Variants in GALK2 observed in about 807,000 individuals in gnomAD.
The protein encoded by GALK2 is galactokinase 2.
A neutral mutation model predicts 52.4 loss-of-function variants in GALK2; 36 were observed. That is an observed-to-expected ratio of 0.69 (90% confidence interval 0.53 to 0.91). GALK2 has a LOEUF of 0.91. GALK2 is among the 40% of genes least tolerant of loss of function. GALK2 has a pLI of 0.00. For synonymous variants in GALK2, 176 were observed against 199.1 expected (o/e 0.88, Z 0.98); for missense variants, 579 against 559.1 (o/e 1.04, Z -0.36).
At chr15:49,303,445 G>T (rs1436177496) in intron 8 of GALK2, among the ~76,000 whole-genome samples, 1 of 152,176 alleles carries the variant, frequency 6.6e-6, no homozygotes, top group Non-Finnish European at 1.5e-5. Context: ...TGTGACTCTT[G>T]TCCCACAAGG....
rs1045074640 is a variant in GALK2, at chr15:49,329,434, T to A, written c.*1275T>A. The A allele has an allele frequency of 1.0e-6, 1 of 984,776 alleles. No individual in the cohort carries two copies. The highest frequency in any genetic ancestry group is 1.7e-5 in the African/African-American group (1 of 57,256). 61.0% of individuals were successfully genotyped at this position (984,776 alleles called of 1,614,324 possible). A position where few individuals can be genotyped will look rare whatever the true frequency, so the allele number is the denominator to read the frequency against. ...TCCAAAAAAATATCAGAATTACTTA[T>A]TATTCTGTGATTTCATTAGCTCATT... On this transcript the variant is annotated 3_prime_UTR_variant, in exon 10 of 10. Coordinates refer to ENST00000560031, the MANE Select transcript of GALK2 (RefSeq NM_002044.4).
At chr15:49,172,324 G>A (rs1484362692) in intron 1 of GALK2, among the ~76,000 whole-genome samples, 1 of 152,086 alleles carries the variant, frequency 6.6e-6, no homozygotes, top group South Asian at 2.1e-4. Flanking sequence ...TATTTATTCT[G>A]TGTTATCCAC....
At chr15:49,193,293 C>T (rs927878392) in intron 1 of GALK2, among the ~76,000 whole-genome samples, 7 of 151,830 alleles carry the variant, frequency 4.6e-5, no homozygotes, top group East Asian at 1.9e-4. Context: ...CCACCATGCC[C>T]GACCTGTTTA....
In GALK2 at chr15:49,365,256, A is replaced by G. The variant is rs1399377720; in HGVS notation, c.427-2235A>G. ...TCCTTACATTTCCAGGCAACAACTG[A>G]GGCAATAATAAGTGTGCAAGTTACT... On this transcript the variant is annotated intron_variant, in intron 3 of 3. Coordinates refer to the GALK2 transcript ENST00000558399. 1.0e-5 allele frequency: 12 copies of G among 1,189,892 alleles called. No homozygotes were observed. The Admixed American group carries it at 1.9e-4, about 18-fold the overall frequency. 73.7% of individuals were successfully genotyped at this position (1,189,892 alleles called of 1,614,324 possible).
downstream of GALK2, among the ~76,000 whole-genome samples, chr15:49,332,227 C>T (rs1181650489): frequency 1.3e-5 from 2 of 152,194 alleles, no homozygotes; most frequent in African/African-American, 4.8e-5. Flanking sequence ...GTGGCACATC[C>T]TCTTCAGTTA....
chr15:49,169,403 C>A (rs917935847), upstream of GALK2, among the ~76,000 whole-genome samples: 1 of 152,022 alleles, frequency 6.6e-6, no homozygotes, highest in African/African-American at 2.4e-5. Flanking sequence ...TCCCAATGAT[C>A]ACTGTGACCT....
At chr15:49,181,101 C>A (rs977695315) in intron 1 of GALK2, among the ~76,000 whole-genome samples, 1 of 117,932 alleles carries the variant, frequency 8.5e-6, no homozygotes. Context: ...TTCCCTCCCC[C>A]CTCCCCTCAT....
chr15:49,219,898 A>G (rs900028398), intron 3 of GALK2, among the ~76,000 whole-genome samples: 2 of 152,152 alleles, frequency 1.3e-5, no homozygotes, highest in Non-Finnish European at 2.9e-5. Context: ...AATTTTAGCT[A>G]TTCTCATAAA....
At position 49,239,375 on chromosome 15, in the gene GALK2, C is replaced by A; in HGVS notation, c.504+8C>A. Reference sequence around the variant, plus strand: ...GGAAGGAATCTATCCAAGGTAACTACCTTTGATAGGAAACCTCATAGAACC... The same window carrying A: ...GGAAGGAATCTATCCAAGGTAACTAACTTTGATAGGAAACCTCATAGAACC... On this transcript the variant is annotated splice_region_variant and intron_variant, in intron 5 of 9. Transcript: ENST00000560031. 2.5e-6 allele frequency: 4 copies of A among 1,612,670 alleles called. No homozygotes were observed. Among genetic ancestry groups the A allele is most frequent in the Non-Finnish European group, 3.4e-6 (4 of 1,179,154 alleles).
Position 49,309,811 on chromosome 15 carries a change from G to T in GALK2, c.968-9793G>T, listed in dbSNP as rs112511962. The stretch of plus-strand genomic sequence containing the variant: ...AATTTTGTATTTTTAGTAGAGACAG[G>T]TTTCTCCATGTTGGTCAGGCTGGTC... On this transcript the variant is annotated intron_variant, in intron 8 of 9. Coordinates refer to ENST00000560031, the MANE Select transcript of GALK2 (RefSeq NM_002044.4). Among the ~76,000 whole-genome samples the T allele has an allele frequency of 8.4e-3, 1,272 of 152,102 alleles. 8 individuals carry two copies. The highest frequency in any genetic ancestry group is 0.051 in the Middle Eastern group (15 of 294).
chr15:49,202,623 T>A (rs1247915162), intron 2 of GALK2, among the ~76,000 whole-genome samples: 2 of 152,172 alleles, frequency 1.3e-5, no homozygotes, highest in African/African-American at 4.8e-5. Flanking sequence ...TTTATGTTGA[T>A]TCTGTATCTT....
At chr15:49,334,618 C>T (rs560625190), downstream of GALK2, among the ~76,000 whole-genome samples, 74 of 151,772 alleles carry the variant, frequency 4.9e-4, no homozygotes, top group Non-Finnish European at 9.6e-4. Context: ...CGTACACATG[C>T]GTCTGTGGGT....
chr15:49,335,785 C>A (rs2039603901), downstream of GALK2, among the ~76,000 whole-genome samples: 1 of 152,166 alleles, frequency 6.6e-6, no homozygotes, highest in Non-Finnish European at 1.5e-5. Context: ...GTTTTAAAAG[C>A]AGCAACTTGT....
At chr15:49,258,790 A>G (rs199732330) in intron 5 of GALK2, among the ~76,000 whole-genome samples, 6,192 of 114,592 alleles carry the variant, frequency 0.054, 220 homozygotes, top group African/African-American at 0.15. Flanking sequence ...ATATATATAT[A>G]TATATGTGTG....
chr15:49,172,344 C>T (rs773841868), intron 1 of GALK2, among the ~76,000 whole-genome samples: 1 of 152,280 alleles, frequency 6.6e-6, no homozygotes. Flanking sequence ...CAGAAGAGAT[C>T]ATAGTAGATA....
Position 49,208,019 on chromosome 15 carries a change from C to T in GALK2, c.142+6769C>T, listed in dbSNP as rs372950639. On this transcript the variant is annotated intron_variant, in intron 2 of 9. Coordinates refer to ENST00000560031, the MANE Select transcript of GALK2 (RefSeq NM_002044.4). ...AACTCCTGACCTCAGGTGGTCCACC[C>T]GCCTCAGCCTCCCAAAGTGCTGGGA... is the stretch of plus-strand genomic sequence containing the variant. Among the ~76,000 whole-genome samples, 13 of 152,268 alleles carry T rather than the reference C, an allele frequency of 8.5e-5. No homozygotes were observed. The East Asian group carries it at 9.7e-4, about 11-fold the overall frequency.
chr15:49,207,038 T>C, intron 2 of GALK2, among the ~76,000 whole-genome samples: 1 of 152,202 alleles, frequency 6.6e-6, no homozygotes, highest in African/African-American at 2.4e-5. Context: ...CTGAGAGTCT[T>C]AATCATAAAG....
chr15:49,224,375 A>T (rs935388429), intron 3 of GALK2, among the ~76,000 whole-genome samples: 1 of 152,172 alleles, frequency 6.6e-6, no homozygotes, highest in African/African-American at 2.4e-5. Context: ...TTTTTATCAC[A>T]GTTGCTTTTG....
chr15:49,264,758 A>C lies in GALK2; in HGVS notation c.505-17229A>C, dbSNP rs1441882104. On this transcript the variant is annotated intron_variant, in intron 5 of 9. Transcript: ENST00000560031. ...ATGTACAGATGGGTTTTTGGTGTGT[A>C]TGTCCTTTCTGTTTGTTAGTTTTCC... Among the ~76,000 whole-genome samples, 19 of 152,232 alleles carry C rather than the reference A, an allele frequency of 1.2e-4. No homozygotes were observed. The South Asian group carries it at 1.5e-3, about 12-fold the overall frequency.
Sources: gnomAD v4.1 joint callset for allele counts (sites outside exome capture counted in the v4.1 genomes callset) on GRCh38, gnomAD v4.1.1 for gene constraint, MANE v1.5 for transcripts, NCBI Gene and HGNC (gene_info 2026-07-23, HGNC 2026-07-21) for gene names.